ZNF250: variants seen among roughly 807,000 people sequenced by gnomAD.
The protein encoded by ZNF250 is zinc finger protein 250.
ZNF250 carries 13 observed loss-of-function variants against 37.1 expected under a neutral mutation model. The observed-to-expected ratio is 0.35, with a 90% CI of 0.23 to 0.56. The LOEUF is 0.56. Ranked by LOEUF, ZNF250 falls within the 20% of genes least tolerant of loss-of-function variation. The pLI is 0.87. For missense variants in ZNF250, 474 were observed against 697.9 expected, an observed-to-expected ratio of 0.68 and a Z score of 3.61; for synonymous variants, 251 against 265.6, an observed-to-expected ratio of 0.94 and a Z score of 0.54.
rs1285154175 is a variant in ZNF250 at position 144,881,773 on chromosome 8, A to G, written c.1410T>C (p.Gly470=). 6.2e-7 allele frequency: 1 copy of G among 1,613,772 alleles called. No homozygotes were observed. The highest frequency in any genetic ancestry group is 1.1e-5 in the South Asian group (1 of 91,066). The change falls in exon 6 of 6, where the codon GGT becomes GGC. Residue 470 remains glycine (G), a synonymous_variant. Transcript: ENST00000417550. ...SLIQHERIHT[G]EKPFQCTECG... ...ATTCTGTGCACTGGAAGGGCTTTTCACCTGTGTGGATTCTCTCATGCTGGA... is the reference window on the plus strand; with the variant it reads ...ATTCTGTGCACTGGAAGGGCTTTTCGCCTGTGTGGATTCTCTCATGCTGGA...
At chr8:144,884,992 C>T (rs1404185155) in intron 5 of ZNF250, among the ~76,000 whole-genome samples, 1 of 152,244 alleles carries the variant, frequency 6.6e-6, no homozygotes, top group Middle Eastern at 3.4e-3. Context: ...TTTGTGCCTA[C>T]TTTTCTTTTT....
At chr8:144,893,650 T>C (rs1283311022) in intron 1 of ZNF250, among the ~76,000 whole-genome samples, 1 of 152,110 alleles carries the variant, frequency 6.6e-6, no homozygotes. Context: ...AATTTGACCT[T>C]GGGTGAATGC....
chr8:144,892,441 T>A (rs1832410619), intron 1 of ZNF250, among the ~76,000 whole-genome samples: 1 of 152,076 alleles, frequency 6.6e-6, no homozygotes, highest in Non-Finnish European at 1.5e-5. Context: ...GCCAGACAGG[T>A]ATGTGGGAAA....
rs184208501 is a variant in ZNF250, at chr8:144,887,028, C to G, written c.284-126G>C. The G allele has an allele frequency of 3.2e-3, 2,418 of 747,586 alleles. 5 individuals are homozygous for G. The highest frequency in any genetic ancestry group is 4.8e-3 in the Non-Finnish European group (2,030 of 426,982). The allele number at this position is 747,586 out of a possible 1,614,324, so 46.3% of individuals were successfully genotyped here. A position where few individuals can be genotyped will look rare whatever the true frequency, so the allele number is the denominator to read the frequency against. Reference sequence around the variant, plus strand: ...TTGGGAGGCCAAGGTGAGTGGATCACTTGAGGTCAGAAGTTTGAGACCAGC... The same window carrying G: ...TTGGGAGGCCAAGGTGAGTGGATCAGTTGAGGTCAGAAGTTTGAGACCAGC... On this transcript the variant is annotated intron_variant, in intron 4 of 5. Transcript: ENST00000417550.
intron 4 of ZNF250, among the ~76,000 whole-genome samples, chr8:144,889,362 C>G (rs892449126): frequency 1.3e-5 from 2 of 152,256 alleles, no homozygotes; most frequent in Admixed American, 1.3e-4. Flanking sequence ...CTCTGCACAT[C>G]AGCTTGTTGA....
chr8:144,900,076 T>G (rs142698792), intron 1 of ZNF250, among the ~76,000 whole-genome samples: 22 of 152,246 alleles, frequency 1.4e-4, no homozygotes, highest in African/African-American at 5.1e-4. Context: ...GAAAAAAATA[T>G]GAGCTGGCAA....
chr8:144,896,585 T>G (rs1451433928), intron 1 of ZNF250, among the ~76,000 whole-genome samples: 1 of 152,082 alleles, frequency 6.6e-6, no homozygotes, highest in Non-Finnish European at 1.5e-5. Flanking sequence ...AGAAACTGGC[T>G]TTTAACAACA....
intron 1 of ZNF250, among the ~76,000 whole-genome samples, chr8:144,898,592 A>C (rs566169292): frequency 1.3e-5 from 2 of 152,342 alleles, no homozygotes; most frequent in African/African-American, 4.8e-5. Context: ...GACAAATGGA[A>C]TTACATCAAC....
At chr8:144,885,105 A>G (rs1831774189) in intron 5 of ZNF250, among the ~76,000 whole-genome samples, 1 of 152,218 alleles carries the variant, frequency 6.6e-6, no homozygotes, top group Non-Finnish European at 1.5e-5. Context: ...AAAAATTTAA[A>G]TTCACTGTCT....
At chr8:144,888,601 A>G (rs1832079245) in intron 4 of ZNF250, among the ~76,000 whole-genome samples, 2 of 149,214 alleles carry the variant, frequency 1.3e-5, no homozygotes, top group Non-Finnish European at 1.5e-5. Flanking sequence ...GTCTCAAAAA[A>G]AAAAAAAAAA....
Position 144,889,349 on chromosome 8 carries a change from T to C in ZNF250, c.283+232A>G, listed in dbSNP as rs2953877. ...CAGCCATGCCCTAACTTCCTCTACATGGCTCTGCACATCAGCTTGTTGAAA... is the reference window on the plus strand; with the variant it reads ...CAGCCATGCCCTAACTTCCTCTACACGGCTCTGCACATCAGCTTGTTGAAA... On this transcript the variant is annotated intron_variant, in intron 4 of 5. Coordinates refer to ENST00000417550, the MANE Select transcript of ZNF250 (RefSeq NM_001109689.4). 5.3e-3 allele frequency among the ~76,000 whole-genome samples: 801 copies of C among 152,360 alleles called. 10 individuals are homozygous for C. The highest frequency in any genetic ancestry group is 0.018 in the African/African-American group (760 of 41,598).
At chr8:144,893,249 T>C (rs1453206489) in intron 1 of ZNF250, among the ~76,000 whole-genome samples, 2 of 152,138 alleles carry the variant, frequency 1.3e-5, no homozygotes, top group Admixed American at 1.3e-4. Flanking sequence ...CTGTCTGACA[T>C]CTGCCTACCC....
Position 144,886,908 on chromosome 8 carries a change from A to G in ZNF250, c.284-6T>C. Reference sequence around the variant, plus strand: ...GTGGTCATATTTGAGGTTGTCTGGAAAAAAAACAGCGAGTTGAAGTGACAA... The same window carrying G: ...GTGGTCATATTTGAGGTTGTCTGGAGAAAAAACAGCGAGTTGAAGTGACAA... On this transcript the variant is annotated splice_polypyrimidine_tract_variant and splice_region_variant and intron_variant, in intron 4 of 5. Transcript: ENST00000417550. 6.2e-7 allele frequency: 1 copy of G among 1,613,344 alleles called. No individual in the cohort carries two copies. The highest frequency in any genetic ancestry group is 8.5e-7 in the Non-Finnish European group (1 of 1,179,432).
chr8:144,888,157 A>C (rs1024390628), intron 4 of ZNF250, among the ~76,000 whole-genome samples: 3 of 152,212 alleles, frequency 2.0e-5, no homozygotes, highest in African/African-American at 7.2e-5. Context: ...GGATCTATGC[A>C]CCATCTTTCT....
At position 144,881,662 on chromosome 8, in the gene ZNF250, G is replaced by C; in HGVS notation, c.1521C>G (p.Cys507Trp). 1 of 1,591,260 alleles carries C rather than the reference G, an allele frequency of 6.3e-7. No individual in the cohort carries two copies. The highest frequency in any genetic ancestry group is 8.5e-7 in the Non-Finnish European group (1 of 1,170,986). The change falls in exon 6 of 6, where the codon TGC becomes TGG. Residue 507 changes from cysteine (C) to tryptophan (W), a missense_variant. By Grantham distance (215) the Cys-to-Trp change is radical (BLOSUM62 -2). Around this residue, in one of 2 missense-constraint regions of ZNF250, gnomAD observed 282 missense variants for 470.4 expected, o/e 0.60. Transcript: ENST00000417550. Reference sequence around the variant, plus strand: ...CTGAGTACTGGCTGAAGGCCTTCCCGCAGCTATTGCACTCATATGGCTTCT... The same window carrying C: ...CTGAGTACTGGCTGAAGGCCTTCCCCCAGCTATTGCACTCATATGGCTTCT... ...TGEKPYECNSCGKAFSQYSVL... is the reference protein window; with the variant it reads ...TGEKPYECNSWGKAFSQYSVL...
intron 1 of ZNF250, among the ~76,000 whole-genome samples, chr8:144,898,455 T>C (rs1832871446): frequency 6.6e-6 from 1 of 151,840 alleles, no homozygotes; most frequent in South Asian, 2.1e-4. Context: ...AGAAACAAGA[T>C]TAAACCTTAG....
rs994157443 is a variant in ZNF250 at position 144,891,395 on chromosome 8, G to A, written c.-54-992C>T. On this transcript the variant is annotated intron_variant, in intron 1 of 5. Transcript: ENST00000417550. The surrounding 1 kb of genome is among the most constrained non-coding windows in gnomAD (Gnocchi z 4.0). ...TGTCAGGGCTGGGGGCAGAAGTCAAGGGACATCATAATCTCAGTGTCTATA... is the reference window on the plus strand; with the variant it reads ...TGTCAGGGCTGGGGGCAGAAGTCAAAGGACATCATAATCTCAGTGTCTATA... Among the ~76,000 whole-genome samples the A allele has an allele frequency of 1.9e-4, 29 of 152,146 alleles. No individual in the cohort carries two copies. The highest frequency in any genetic ancestry group is 1.9e-3 in the Admixed American group (29 of 15,270).
At chr8:144,885,869 G>C (rs1432835216) in intron 5 of ZNF250, among the ~76,000 whole-genome samples, 1 of 152,120 alleles carries the variant, frequency 6.6e-6, no homozygotes, top group Non-Finnish European at 1.5e-5. Context: ...ACTTCGGGAG[G>C]GCAAGGTGGG....
In ZNF250 at chr8:144,882,969, C is replaced by G. The variant is rs1831605693; in HGVS notation, c.347-133G>C. ...CACGTTGGTGTGAGCTACAGAAGAA[C>G]AGAACCACCATAACTGTGTCAAACA... On this transcript the variant is annotated intron_variant, in intron 5 of 5. Coordinates refer to ENST00000417550, the MANE Select transcript of ZNF250 (RefSeq NM_001109689.4). The surrounding 1 kb of genome is among the most constrained non-coding windows in gnomAD (Gnocchi z 5.5). The G allele has an allele frequency of 2.1e-6, 2 of 960,468 alleles. No homozygotes were observed. The highest frequency in any genetic ancestry group is 3.1e-6 in the Non-Finnish European group (2 of 637,010). 59.5% of individuals were successfully genotyped at this position (960,468 alleles called of 1,614,324 possible). A position where few individuals can be genotyped will look rare whatever the true frequency, so the allele number is the denominator to read the frequency against.
Sources: gnomAD v4.1 joint callset for allele counts (sites outside exome capture counted in the v4.1 genomes callset) on GRCh38, gnomAD v4.1.1 for gene constraint, gnomAD v4.1.1 regional missense constraint, Gnocchi (gnomAD v3.1) non-coding constraint, MANE v1.5 for transcripts, NCBI Gene and HGNC (gene_info 2026-07-23, HGNC 2026-07-21) for gene names.